Variants in GPBP1 observed in about 807,000 individuals in gnomAD.
GPBP1 encodes GC-rich promoter binding protein 1.
In GPBP1, 13 loss-of-function variants were observed where a neutral mutation model predicts 56.5. The ratio of observed to expected loss-of-function variants is 0.23; its 90% CI spans 0.15 to 0.37. GPBP1 has a LOEUF of 0.37. GPBP1 is among the 10% of genes least tolerant of loss of function. GPBP1 has a pLI of 1.00. For synonymous variants in GPBP1, 204 were observed against 188.9 expected, an observed-to-expected ratio of 1.08 and a Z score of -0.66; for missense variants, 477 against 572.3, an observed-to-expected ratio of 0.83 and a Z score of 1.70.
At chr5:57,212,603 A>C (rs1330866912) in intron 2 of GPBP1, among the ~76,000 whole-genome samples, 1 of 151,726 alleles carries the variant, frequency 6.6e-6, no homozygotes, top group East Asian at 1.9e-4. Flanking sequence ...TTACATTGCC[A>C]GTTTTAACTA....
At position 57,179,860 on chromosome 5, in the gene GPBP1, A is replaced by G. The variant is rs551076429; in HGVS notation, c.-58+3460A>G. Among the ~76,000 whole-genome samples, 8 of 152,068 alleles carry G rather than the reference A, an allele frequency of 5.3e-5. No individual in the cohort carries two copies. In the East Asian group the frequency reaches 1.5e-3, roughly 29 times the overall value. On this transcript the variant is annotated intron_variant, in intron 2 of 11. Transcript: ENST00000506184. ...TGTCTGTCCACCTCTGCCTCCCAAT[A>G]TGCTGGGATTATGGGTGAGAGCCAC...
At chr5:57,247,443 A>G (rs1022746892) in intron 8 of GPBP1, among the ~76,000 whole-genome samples, 2 of 152,190 alleles carry the variant, frequency 1.3e-5, no homozygotes, top group Admixed American at 6.5e-5. Flanking sequence ...TAATCCCAAC[A>G]TTTTGGGAAG....
At chr5:57,180,843 G>T (rs1754011610) in intron 2 of GPBP1, among the ~76,000 whole-genome samples, 1 of 152,104 alleles carries the variant, frequency 6.6e-6, no homozygotes, top group African/African-American at 2.4e-5. Flanking sequence ...CCAGGTCCAA[G>T]CGATTTTCCT....
intron 3 of GPBP1, among the ~76,000 whole-genome samples, chr5:57,229,946 C>CCGTCG (rs1756372548): frequency 7.2e-6 from 1 of 138,274 alleles, no homozygotes; most frequent in Admixed American, 7.1e-5. Context: ...GCATCGCGTC[C>CCGTCG]CGTCCCGTCC....
rs76337864 is a variant in GPBP1, at chr5:57,217,348, G to A, written c.63+3155G>A. Among the ~76,000 whole-genome samples, 3 of 151,886 alleles carry A rather than the reference G, an allele frequency of 2.0e-5. No homozygotes were observed. The East Asian group carries it at 5.8e-4, about 29-fold the overall frequency. On this transcript the variant is annotated intron_variant, in intron 3 of 11. Transcript: ENST00000506184. ...AGCACTTTGGGAGGCCGAGGCGGGC[G>A]GATCACCTGAGGTCAGGAGTTTGAG... is the stretch of plus-strand genomic sequence containing the variant.
chr5:57,228,942 T>A (rs954018303), intron 3 of GPBP1, among the ~76,000 whole-genome samples: 38 of 151,998 alleles, frequency 2.5e-4, no homozygotes, highest in African/African-American at 8.9e-4. Context: ...AATGAATAAT[T>A]GTCTGGGCTG....
chr5:57,240,198 C>T (rs1224863001), intron 6 of GPBP1, among the ~76,000 whole-genome samples: 1 of 152,128 alleles, frequency 6.6e-6, no homozygotes, highest in African/African-American at 2.4e-5. Context: ...TTGCAGTGAG[C>T]TACGATTGTG....
chr5:57,242,532 C>T (rs1580065256), intron 6 of GPBP1, among the ~76,000 whole-genome samples: 1 of 152,130 alleles, frequency 6.6e-6, no homozygotes, highest in Non-Finnish European at 1.5e-5. Context: ...CTTGCCCTCT[C>T]CCCCAGGCAT....
At chr5:57,256,464 A>G (rs918459710) in intron 10 of GPBP1, among the ~76,000 whole-genome samples, 4 of 151,854 alleles carry the variant, frequency 2.6e-5, no homozygotes, top group African/African-American at 9.7e-5. Flanking sequence ...CTTTTCTTTT[A>G]TATTTAGGTT....
At chr5:57,190,642 A>C (rs930348814) in intron 2 of GPBP1, among the ~76,000 whole-genome samples, 1 of 140,296 alleles carries the variant, frequency 7.1e-6, no homozygotes, top group Non-Finnish European at 1.5e-5. Flanking sequence ...ATAAATTGTT[A>C]TATGAGCTTT....
chr5:57,190,694 C>CTTTT (rs773540051), intron 2 of GPBP1, among the ~76,000 whole-genome samples: 8 of 68,852 alleles, frequency 1.2e-4, no homozygotes, highest in African/African-American at 1.7e-4. Context: ...TTGCTGTTAG[C>CTTTT]TTTTTTTTTT....
intron 6 of GPBP1, 95 bp from the exon 7 acceptor site, chr5:57,246,205 A>G: frequency 1.0e-6 from 1 of 963,180 alleles, no homozygotes; most frequent in Non-Finnish European, 1.5e-6. Context: ...GTTAAAAAAA[A>G]AAAAAAATTT....
At chr5:57,194,268 C>T (rs1458161714) in intron 2 of GPBP1, among the ~76,000 whole-genome samples, 3 of 152,070 alleles carry the variant, frequency 2.0e-5, no homozygotes, top group African/African-American at 7.2e-5. Flanking sequence ...AAGTGAATTT[C>T]TGAGTGTAAT....
At chr5:57,190,909 T>C (rs1329653128) in intron 2 of GPBP1, among the ~76,000 whole-genome samples, 2 of 151,742 alleles carry the variant, frequency 1.3e-5, no homozygotes, top group African/African-American at 2.4e-5. Context: ...GGTTTTGCCA[T>C]GTTGCCTAGA....
rs994487333 is a variant in GPBP1 at position 57,221,324 on chromosome 5, T to A, written c.63+7131T>A. ...TTCTTTTGTGATTTTCTAGTTTTTT[T>A]AAATTCCATTAAATAATGCCAATTG... On this transcript the variant is annotated intron_variant, in intron 3 of 11. Transcript: ENST00000506184. 117 of 1,297,408 alleles carry A rather than the reference T, an allele frequency of 9.0e-5. 1 individual carries two copies. The highest frequency in any genetic ancestry group is 2.1e-4 in the South Asian group (12 of 57,986). The allele number at this position is 1,297,408 out of a possible 1,614,324, so 80.4% of individuals were successfully genotyped here. A position where few individuals can be genotyped will look rare whatever the true frequency, so the allele number is the denominator to read the frequency against.
intron 2 of GPBP1, among the ~76,000 whole-genome samples, chr5:57,211,023 C>T (rs2111747705): frequency 6.6e-6 from 1 of 152,134 alleles, no homozygotes; most frequent in Non-Finnish European, 1.5e-5. Context: ...CAGTTCAACC[C>T]ATAACATACA....
intron 2 of GPBP1, among the ~76,000 whole-genome samples, chr5:57,205,918 C>T (rs1182455355): frequency 6.6e-6 from 1 of 152,030 alleles, no homozygotes; most frequent in Non-Finnish European, 1.5e-5. Context: ...TGTGCCTCAC[C>T]ACACCTGGCT....
At chr5:57,231,566 G>A (rs1198478114) in intron 5 of GPBP1, among the ~76,000 whole-genome samples, 5 of 152,104 alleles carry the variant, frequency 3.3e-5, no homozygotes, top group South Asian at 2.1e-4. Context: ...GTGCCACTGC[G>A]CACTGAGCCA....
chr5:57,231,270 C>T lies in GPBP1; in HGVS notation c.360C>T (p.Thr120=), dbSNP rs757903247. ...AAAACAACATACCTGACAATGAAACCGGGAGGAAAGAAGACAAGAGAGAAC... is the reference window on the plus strand; with the variant it reads ...AAAACAACATACCTGACAATGAAACTGGGAGGAAAGAAGACAAGAGAGAAC... ...LHENNIPDNE[T]GRKEDKRERK... is the part of the protein sequence containing the mutation. Residue 120 remains threonine, a synonymous_variant, in exon 5 of 12, where the codon ACC becomes ACT. Coordinates refer to ENST00000506184, the MANE Select transcript of GPBP1 (RefSeq NM_022913.4). 3.0e-5 allele frequency: 49 copies of T among 1,613,786 alleles called. No individual in the cohort carries two copies. Among genetic ancestry groups the T allele is most frequent in the South Asian group, 1.2e-4 (11 of 91,080 alleles).
Sources: gnomAD v4.1 joint callset for allele counts (sites outside exome capture counted in the v4.1 genomes callset) on GRCh38, gnomAD v4.1.1 for gene constraint, MANE v1.5 for transcripts, NCBI Gene and HGNC (gene_info 2026-07-23, HGNC 2026-07-21) for gene names.